The following KCNK2 variants were observed in gnomAD, a reference collection of about 807,000 sequenced individuals.
KCNK2 encodes the protein potassium two pore domain channel subfamily K member 2.
KCNK2 carries 21 observed loss-of-function variants against 40.5 expected under a neutral mutation model. The ratio of observed to expected loss-of-function variants is 0.52; its 90% CI spans 0.37 to 0.75. The LOEUF is 0.75. Ranked by LOEUF, KCNK2 falls within the 30% of genes least tolerant of loss-of-function variation. KCNK2 has a pLI of 0.00. For synonymous variants in KCNK2, 191 were observed against 202.2 expected (o/e 0.94, Z 0.47); for missense variants, 399 against 531.6 (o/e 0.75, Z 2.45).
chr1:215,202,541 G>A (rs1230240742), intron 6 of KCNK2, among the ~76,000 whole-genome samples: 1 of 152,154 alleles, frequency 6.6e-6, no homozygotes, highest in Non-Finnish European at 1.5e-5. Context: ...GCAGAACCAA[G>A]ACCCTAATTA....
intron 2 of KCNK2, among the ~76,000 whole-genome samples, chr1:215,110,974 TG>T (rs1454357210): frequency 3.3e-5 from 5 of 152,292 alleles, no homozygotes; most frequent in Middle Eastern, 6.8e-3. Context: ...ATAGTTTCAC[TG>T]CCCTAAAAAT....
At chr1:215,059,285 G>A (rs1438522227) in intron 1 of KCNK2, among the ~76,000 whole-genome samples, 1 of 152,004 alleles carries the variant, frequency 6.6e-6, no homozygotes, top group African/African-American at 2.4e-5. Flanking sequence ...CATATAATCT[G>A]AACCTAATTA....
chr1:215,231,365 C>T (rs574303202), intron 6 of KCNK2, among the ~76,000 whole-genome samples: 16 of 151,772 alleles, frequency 1.1e-4, no homozygotes, highest in East Asian at 7.8e-4. Context: ...ATGCAATAAA[C>T]GCATAATAAA....
chr1:215,169,643 C>CTTTTTTTTTTTTTTTTTTTTTTTT (rs35265842), intron 4 of KCNK2, among the ~76,000 whole-genome samples: 1 of 146,078 alleles, frequency 6.8e-6, no homozygotes, highest in Non-Finnish European at 1.5e-5. Flanking sequence ...CTTTTTCTTT[C>CTTTTTTTTTTTTTTTTTTTTTTTT]TTTTTTTTTT....
At chr1:215,104,885 ACATATTCTTT>A (rs1160920641) in intron 2 of KCNK2, among the ~76,000 whole-genome samples, 2 of 152,012 alleles carry the variant, frequency 1.3e-5, no homozygotes, top group Non-Finnish European at 2.9e-5. Flanking sequence ...GTTTCATCTT[ACATATTCTTT>A]CATAACCTGA....
At chr1:215,194,540 TG>T (rs1422682179) in intron 5 of KCNK2, among the ~76,000 whole-genome samples, 1 of 152,194 alleles carries the variant, frequency 6.6e-6, no homozygotes, top group Non-Finnish European at 1.5e-5. Context: ...ATGTATTTAT[TG>T]GCAATGAGGT....
intron 3 of KCNK2, among the ~76,000 whole-genome samples, chr1:215,156,223 T>C (rs529401185): frequency 1.8e-4 from 28 of 152,258 alleles, no homozygotes; most frequent in African/African-American, 6.7e-4. Flanking sequence ...TTTATTTATT[T>C]GTGGTGTTAT....
At chr1:215,067,111 T>G (rs1658575366) in intron 1 of KCNK2, among the ~76,000 whole-genome samples, 1 of 152,278 alleles carries the variant, frequency 6.6e-6, no homozygotes, top group African/African-American at 2.4e-5. Flanking sequence ...GTAACTGTTT[T>G]TCCTCAAAAG....
intron 5 of KCNK2, among the ~76,000 whole-genome samples, chr1:215,174,697 A>C (rs1053366852): frequency 6.6e-6 from 1 of 152,044 alleles, no homozygotes; most frequent in Non-Finnish European, 1.5e-5. Flanking sequence ...ATCCCTTGTA[A>C]GTTGGATTCC....
intron 3 of KCNK2, among the ~76,000 whole-genome samples, chr1:215,130,868 T>A (rs1661637792): frequency 1.3e-5 from 2 of 152,052 alleles, no homozygotes; most frequent in African/African-American, 4.8e-5. Flanking sequence ...TTTATTTATT[T>A]ATTTATTTTT....
chr1:215,104,807 T>C (rs1558092996), intron 2 of KCNK2, among the ~76,000 whole-genome samples: 4 of 152,088 alleles, frequency 2.6e-5, no homozygotes, highest in Non-Finnish European at 5.9e-5. Context: ...TAAATAAATA[T>C]TTATTGAGTT....
chr1:215,073,447 G>T (rs1353834437), intron 1 of KCNK2, among the ~76,000 whole-genome samples: 1 of 152,172 alleles, frequency 6.6e-6, no homozygotes, highest in Admixed American at 6.6e-5. Context: ...ATCTTGTTTG[G>T]AGGTTAGGGG....
intron 1 of KCNK2, among the ~76,000 whole-genome samples, chr1:215,023,822 C>A (rs772915976): frequency 9.8e-5 from 15 of 152,320 alleles, no homozygotes; most frequent in African/African-American, 1.7e-4. Flanking sequence ...TTAGATGCAG[C>A]TTTTATCTGA....
chr1:215,191,210 G>A lies in KCNK2; in HGVS notation c.824-3743G>A, dbSNP rs1212052416. 5.3e-5 allele frequency among the ~76,000 whole-genome samples: 8 copies of A among 151,644 alleles called. No homozygotes were observed. The East Asian group carries it at 5.8e-4, about 11-fold the overall frequency. ...TGAGGCAGGAGAATCGCTTGAATAC[G>A]GGAGGTGGAAGTTGCAGTGAGCCGA... On this transcript the variant is annotated intron_variant, in intron 5 of 6. Transcript: ENST00000444842.
intron 5 of KCNK2, among the ~76,000 whole-genome samples, chr1:215,190,047 G>C (rs1224389383): frequency 6.6e-6 from 1 of 152,144 alleles, no homozygotes; most frequent in Admixed American, 6.6e-5. Flanking sequence ...GAGATGTATG[G>C]AACTGATAAC....
intron 1 of KCNK2, among the ~76,000 whole-genome samples, chr1:215,017,454 T>C (rs947213738): frequency 2.6e-5 from 4 of 152,144 alleles, no homozygotes; most frequent in African/African-American, 9.7e-5. Flanking sequence ...TGGATGAACC[T>C]GAAGGACATC....
At chr1:215,143,755 A>G (rs1294825396) in intron 3 of KCNK2, among the ~76,000 whole-genome samples, 4 of 152,124 alleles carry the variant, frequency 2.6e-5, no homozygotes, top group African/African-American at 9.7e-5. Flanking sequence ...TACATTTTGA[A>G]AAATGTAGAG....
intron 6 of KCNK2, among the ~76,000 whole-genome samples, chr1:215,216,137 A>G (rs1203874512): frequency 1.3e-5 from 2 of 152,022 alleles, no homozygotes; most frequent in Admixed American, 1.3e-4. Context: ...TTAGACCCTC[A>G]CTGCTACTTT....
intron 1 of KCNK2, among the ~76,000 whole-genome samples, chr1:215,020,733 T>C (rs559109610): frequency 6.6e-6 from 1 of 152,298 alleles, no homozygotes; most frequent in South Asian, 2.1e-4. Context: ...CAAACCACAG[T>C]ACCTTTAGAT....
Sources: gnomAD v4.1 joint callset for allele counts (sites outside exome capture counted in the v4.1 genomes callset) on GRCh38, gnomAD v4.1.1 for gene constraint, MANE v1.5 for transcripts, NCBI Gene and HGNC (gene_info 2026-07-23, HGNC 2026-07-21) for gene names.